DNMT3B: variants seen among roughly 807,000 people sequenced by gnomAD.
DNMT3B encodes DNA methyltransferase 3 beta, also known as DNA (cytosine-5)-methyltransferase 3B.
DNMT3B carries 37 observed loss-of-function variants against 120.2 expected under a neutral mutation model. The ratio of observed to expected loss-of-function variants is 0.31; its 90% CI spans 0.24 to 0.40. The LOEUF (loss-of-function observed/expected upper bound fraction) is 0.40. Ranked by LOEUF, DNMT3B falls within the 10% of genes least tolerant of loss-of-function variation. The pLI is 1.00. For synonymous variants in DNMT3B, 412 were observed against 442.8 expected (o/e 0.93, Z 0.87); for missense variants, 878 against 1,137.3 (o/e 0.77, Z 3.28).
intron 20 of DNMT3B, among the ~76,000 whole-genome samples, chr20:32,803,821 G>A (rs1042259496): frequency 6.6e-6 from 1 of 152,138 alleles, no homozygotes; most frequent in African/African-American, 2.4e-5. Context: ...AAGTAACTTG[G>A]GCCTTAATGT....
chr20:32,796,422 G>C (rs371886993), intron 12 of DNMT3B, among the ~76,000 whole-genome samples: 5 of 152,350 alleles, frequency 3.3e-5, no homozygotes, highest in African/African-American at 1.2e-4. Context: ...TTTACAGGGT[G>C]TGGGCATGGG....
chr20:32,777,970 A>C (rs927613416), intron 1 of DNMT3B, among the ~76,000 whole-genome samples: 1 of 152,218 alleles, frequency 6.6e-6, no homozygotes, highest in African/African-American at 2.4e-5. Context: ...ACATGTTTAT[A>C]ATCTGAACAA....
intron 1 of DNMT3B, among the ~76,000 whole-genome samples, chr20:32,772,874 A>AT (rs397960769): frequency 0.27 from 34,725 of 129,108 alleles, 5,328 homozygotes; most frequent in East Asian, 0.55. Flanking sequence ...GTTTGGACAC[A>AT]TTTTTTTTTT....
chr20:32,797,755 G>A (rs1420467298), intron 14 of DNMT3B, among the ~76,000 whole-genome samples: 1 of 152,050 alleles, frequency 6.6e-6, no homozygotes, highest in African/African-American at 2.4e-5. Flanking sequence ...TGCCTCCAGG[G>A]TACAAGCAAT....
chr20:32,791,695 A>G lies in DNMT3B; in HGVS notation c.908A>G (p.Tyr303Cys). The G allele has an allele frequency of 6.2e-7, 1 of 1,614,002 alleles. No homozygotes were observed. The change falls in exon 8 of 23, where the codon TAC becomes TGC. Residue 303 changes from tyrosine to cysteine, a missense_variant. Transcript: ENST00000328111. The part of the protein sequence containing the change: ...NKLVSYRKAM[Y>C]HALEKARVRA... ...CTCGTCTCCTATCGAAAAGCCATGT[A>G]CCATGCTCTGGAGGTAACATGGGAT... is the stretch of plus-strand genomic sequence containing the variant.
At chr20:32,773,085 C>T (rs1013449651) in intron 1 of DNMT3B, among the ~76,000 whole-genome samples, 2 of 150,898 alleles carry the variant, frequency 1.3e-5, no homozygotes, top group East Asian at 3.9e-4. Context: ...TCCCAAAGTG[C>T]TGGGATCACA....
chr20:32,804,435 T>A (rs977829314), intron 20 of DNMT3B, among the ~76,000 whole-genome samples: 1 of 152,038 alleles, frequency 6.6e-6, no homozygotes, highest in Non-Finnish European at 1.5e-5. Flanking sequence ...CTAGGGGAAA[T>A]ATGTGTTGTG....
intron 6 of DNMT3B, 140 bp from the exon 7 acceptor site, chr20:32,788,714 C>A: frequency 9.3e-7 from 1 of 1,076,228 alleles, no homozygotes; most frequent in Non-Finnish European, 1.4e-6. Flanking sequence ...CTGAGAATTA[C>A]AGGCATGAAC....
At position 32,802,378 on chromosome 20, in the gene DNMT3B, C is replaced by T. The variant is rs2146060670; in HGVS notation, c.2146-7C>T. 6.2e-7 allele frequency: 1 copy of T among 1,614,096 alleles called. No individual in the cohort carries two copies. Among genetic ancestry groups the T allele is most frequent in the Non-Finnish European group, 8.5e-7 (1 of 1,179,976 alleles). Reference sequence around the variant, plus strand: ...GCTCCTAACAGTAACCTTCTTTCTCCCCACAGTGTAATCCAGTGATGATTG... The same window carrying T: ...GCTCCTAACAGTAACCTTCTTTCTCTCCACAGTGTAATCCAGTGATGATTG... On this transcript the variant is annotated splice_polypyrimidine_tract_variant and splice_region_variant and intron_variant, in intron 19 of 22. Transcript: ENST00000328111.
At chr20:32,778,060 C>T (rs1455824127) in intron 1 of DNMT3B, among the ~76,000 whole-genome samples, 4 of 152,172 alleles carry the variant, frequency 2.6e-5, no homozygotes, top group East Asian at 1.9e-4. Context: ...CGCTTCAGGC[C>T]GGGTGTGGTG....
At chr20:32,797,397 C>A (rs112395999) in intron 14 of DNMT3B, 98 bp downstream of exon 14, 2 of 1,218,382 alleles carry the variant, frequency 1.6e-6, no homozygotes, top group African/African-American at 3.0e-5. Context: ...GAATCCTAGG[C>A]ATGGGAATAG....
chr20:32,793,623 C>G, intron 10 of DNMT3B, 28 bp downstream of exon 10: 1 of 1,611,244 alleles, frequency 6.2e-7, no homozygotes, highest in Non-Finnish European at 8.5e-7. Context: ...TTTGACTGTG[C>G]CCTGTTTTCT....
At position 32,781,387 on chromosome 20, in the gene DNMT3B, G is replaced by A; in HGVS notation, c.177G>A (p.Glu59=). The A allele has an allele frequency of 6.2e-7, 1 of 1,614,200 alleles. No homozygotes were observed. The highest frequency in any genetic ancestry group is 8.5e-7 in the Non-Finnish European group (1 of 1,180,046). The change falls in exon 3 of 23, where the codon GAG becomes GAA. Residue 59 remains glutamate, a synonymous_variant. Transcript: ENST00000328111. ...CAAGCTCGCGACTCTCCAAGAGGGAGGTGTCCAGTCTGCTAAGCTACACAC... is the reference window on the plus strand; with the variant it reads ...CAAGCTCGCGACTCTCCAAGAGGGAAGTGTCCAGTCTGCTAAGCTACACAC... ...RRSSSRLSKR[E]VSSLLSYTQD...
intron 1 of DNMT3B, among the ~76,000 whole-genome samples, chr20:32,778,364 CAA>C (rs10633411): frequency 4.3e-5 from 6 of 138,102 alleles, no homozygotes; most frequent in Admixed American, 7.2e-5. Context: ...GACTCTGTCT[CAA>C]AAAAAAAAAA....
intron 1 of DNMT3B, among the ~76,000 whole-genome samples, chr20:32,772,395 C>T (rs1278851751): frequency 6.6e-6 from 1 of 152,186 alleles, no homozygotes; most frequent in Non-Finnish European, 1.5e-5. Context: ...GTTGAAGCCA[C>T]AGGTGCAGCC....
At chr20:32,792,103 C>T (rs1980040679) in intron 8 of DNMT3B, among the ~76,000 whole-genome samples, 1 of 152,178 alleles carries the variant, frequency 6.6e-6, no homozygotes, top group African/African-American at 2.4e-5. Flanking sequence ...TACCCTGTTT[C>T]TCCCTTCACC....
chr20:32,775,807 G>A (rs1253272374), intron 1 of DNMT3B, among the ~76,000 whole-genome samples: 17 of 152,180 alleles, frequency 1.1e-4, no homozygotes, highest in Non-Finnish European at 2.2e-4. Flanking sequence ...TCTCAGTTAC[G>A]GCAATTCCAG....
chr20:32,776,308 T>TTAA (rs1464234088), intron 1 of DNMT3B, among the ~76,000 whole-genome samples: 2 of 152,142 alleles, frequency 1.3e-5, no homozygotes, highest in African/African-American at 4.8e-5. Context: ...TGTTAGCTAC[T>TTAA]TAATGTTACA....
At chr20:32,790,036 T>C (rs1360924023) in intron 7 of DNMT3B, among the ~76,000 whole-genome samples, 1 of 152,198 alleles carries the variant, frequency 6.6e-6, no homozygotes, top group South Asian at 2.1e-4. Flanking sequence ...CCAGGCAGGA[T>C]TGAAGGAAGG....
Sources: allele counts gnomAD v4.1 joint callset (sites outside exome capture counted in the v4.1 genomes callset), GRCh38; gene constraint gnomAD v4.1.1; transcripts MANE v1.5; gene names NCBI Gene and HGNC (gene_info 2026-07-23, HGNC 2026-07-21).